Variants in SGK1 observed in about 807,000 individuals in gnomAD.
SGK1 encodes the protein serum/glucocorticoid regulated kinase 1.
Under a neutral mutation model 64.2 loss-of-function variants are expected in SGK1, and 26 were observed. The observed-to-expected ratio is 0.40, with a 90% CI of 0.30 to 0.56. The LOEUF (loss-of-function observed/expected upper bound fraction) is 0.56, where lower values mean the gene tolerates loss of function less well. Ranked by LOEUF, SGK1 falls within the 20% of genes least tolerant of loss-of-function variation. SGK1 has a pLI of 0.38. For missense variants in SGK1, 519 were observed against 645.6 expected (o/e 0.80, Z 2.12); for synonymous variants, 265 against 239.7 (o/e 1.11, Z -0.98).
At chr6:134,204,937 T>TTCCC (rs548882084) in intron 3 of SGK1, among the ~76,000 whole-genome samples, 2 of 148,146 alleles carry the variant, frequency 1.4e-5, no homozygotes, top group East Asian at 1.9e-4. Flanking sequence ...CCTTCCTTCC[T>TTCCC]TCCCTCCCTC....
intron 3 of SGK1, among the ~76,000 whole-genome samples, chr6:134,197,265 C>T (rs895009807): frequency 2.6e-5 from 4 of 152,010 alleles, no homozygotes; most frequent in Admixed American, 1.3e-4. Context: ...CAACAAAAAC[C>T]CTAATGTACA....
chr6:134,292,726 A>G (rs1259423252), intron 1 of SGK1, among the ~76,000 whole-genome samples: 3 of 152,248 alleles, frequency 2.0e-5, no homozygotes, highest in Non-Finnish European at 2.9e-5. Context: ...TTGAATAGGA[A>G]AGAAATGGCT....
chr6:134,258,811 A>AAAAATAAAAT (rs144441175), intron 2 of SGK1, among the ~76,000 whole-genome samples: 8 of 151,936 alleles, frequency 5.3e-5, no homozygotes, highest in Non-Finnish European at 1.0e-4. Context: ...TGTCTCCACA[A>AAAAATAAAAT]AAAATAAAAT....
chr6:134,191,904 G>A (rs889132257), intron 3 of SGK1, among the ~76,000 whole-genome samples: 4 of 145,706 alleles, frequency 2.7e-5, no homozygotes, highest in African/African-American at 1.0e-4. Flanking sequence ...GTGTGACCTC[G>A]GCTCACTGAA....
chr6:134,288,323 A>G (rs1777216006), intron 1 of SGK1, among the ~76,000 whole-genome samples: 1 of 152,246 alleles, frequency 6.6e-6, no homozygotes, highest in Non-Finnish European at 1.5e-5. Context: ...CAGTAGCAGG[A>G]TAGAGGTTGC....
At chr6:134,292,848 G>C (rs1012682465) in intron 1 of SGK1, among the ~76,000 whole-genome samples, 5 of 152,178 alleles carry the variant, frequency 3.3e-5, no homozygotes, top group Non-Finnish European at 7.3e-5. Context: ...GTCTTTTAAA[G>C]AAGGTTGGAA....
At chr6:134,309,980 A>C (rs558217433) in intron 1 of SGK1, among the ~76,000 whole-genome samples, 1 of 152,336 alleles carries the variant, frequency 6.6e-6, no homozygotes, top group African/African-American at 2.4e-5. Context: ...ATTACTAATT[A>C]AACTTTTCTA....
intron 3 of SGK1, among the ~76,000 whole-genome samples, chr6:134,199,131 AAAC>A (rs998089088): frequency 6.6e-6 from 1 of 152,200 alleles, no homozygotes; most frequent in African/African-American, 2.4e-5. Context: ...ACAAAGACGG[AAAC>A]AACAGACACT....
chr6:134,201,067 T>G (rs1775673053), intron 3 of SGK1, among the ~76,000 whole-genome samples: 1 of 147,832 alleles, frequency 6.8e-6, no homozygotes, highest in Non-Finnish European at 1.5e-5. Flanking sequence ...CTTTTCTTCT[T>G]TTTTTTTTTT....
At chr6:134,246,216 T>A (rs1007513230) in intron 2 of SGK1, among the ~76,000 whole-genome samples, 18 of 152,036 alleles carry the variant, frequency 1.2e-4, no homozygotes, top group Non-Finnish European at 2.1e-4. Context: ...TAGCACTATC[T>A]CGGCTCACTG....
At chr6:134,286,032 A>G (rs1777178636) in intron 1 of SGK1, among the ~76,000 whole-genome samples, 2 of 152,216 alleles carry the variant, frequency 1.3e-5, no homozygotes, top group Admixed American at 1.3e-4. Flanking sequence ...AGTTTTCTTT[A>G]GAAGTCTTAT....
chr6:134,246,275 A>G (rs575193299), intron 2 of SGK1, among the ~76,000 whole-genome samples: 18 of 151,732 alleles, frequency 1.2e-4, no homozygotes, highest in African/African-American at 3.9e-4. Context: ...CAGCCTCCCA[A>G]GTAGCTGGGA....
chr6:134,203,530 G>C (rs1461905787), intron 3 of SGK1, among the ~76,000 whole-genome samples: 1 of 152,094 alleles, frequency 6.6e-6, no homozygotes, highest in Non-Finnish European at 1.5e-5. Flanking sequence ...TCATTAGATA[G>C]GATTTTAAGA....
At chr6:134,225,020 AAAAG>A (rs1562257026) in intron 2 of SGK1, among the ~76,000 whole-genome samples, 2 of 147,316 alleles carry the variant, frequency 1.4e-5, no homozygotes, top group Admixed American at 6.8e-5. Context: ...AAAAAAAAAA[AAAAG>A]AAAAAAGAAA....
chr6:134,171,384 G>A (rs1775021459), intron 11 of SGK1: 4 of 617,988 alleles, frequency 6.5e-6, no homozygotes, highest in Non-Finnish European at 1.1e-5. Flanking sequence ...GGAGGGTGAG[G>A]GGGTAGATGT....
intron 1 of SGK1, among the ~76,000 whole-genome samples, chr6:134,293,902 T>C (rs910125212): frequency 6.6e-6 from 1 of 152,170 alleles, no homozygotes; most frequent in African/African-American, 2.4e-5. Flanking sequence ...ATTATTCCTC[T>C]TGAGGATTTC....
chr6:134,261,081 A>G (rs779789872), intron 2 of SGK1: 27 of 152,216 alleles, frequency 1.8e-4, no homozygotes, highest in Non-Finnish European at 8.8e-5. Flanking sequence ...CTGCAAGATG[A>G]ATCAGTTATC....
chr6:134,255,388 G>A (rs570464981), intron 2 of SGK1, among the ~76,000 whole-genome samples: 1 of 151,664 alleles, frequency 6.6e-6, no homozygotes, highest in East Asian at 2.0e-4. Flanking sequence ...AAATTAAAAG[G>A]TAAGAGATTC....
rs1271756868 is a variant in SGK1 at position 134,184,335 on chromosome 6, T to TAAAA, written c.362-9753_362-9750dup. 6.6e-5 allele frequency among the ~76,000 whole-genome samples: 10 copies of TAAAA among 150,852 alleles called. No homozygotes were observed. In the East Asian group the frequency reaches 2.0e-3, roughly 30 times the overall value. On this transcript the variant is annotated intron_variant, in intron 3 of 13. Transcript: ENST00000367858. ...AACATGGTGAAACCCCGTCCCTACT[T>TAAAA]AAAAAAAATATATACAAAAATTAGC... is the stretch of plus-strand genomic sequence containing the variant.
Sources: allele counts gnomAD v4.1 joint callset (sites outside exome capture counted in the v4.1 genomes callset), GRCh38; gene constraint gnomAD v4.1.1; transcripts MANE v1.5; gene names NCBI Gene and HGNC (gene_info 2026-07-23, HGNC 2026-07-21).